FREM3: variants seen among roughly 807,000 people sequenced by gnomAD.
FREM3 encodes FRAS1-related extracellular matrix protein 3.
A neutral mutation model predicts 129.1 loss-of-function variants in FREM3; 105 were observed. The observed-to-expected ratio is 0.81, with a 90% CI of 0.69 to 0.96. The LOEUF is 0.96. Among genes scored for constraint, FREM3 ranks in the 40% least tolerant of loss-of-function variants. The pLI is 0.00. For missense variants in FREM3, 2,593 were observed against 2,666.3 expected, an observed-to-expected ratio of 0.97 and a Z score of 0.61; for synonymous variants, 1,014 against 1,044.9, an observed-to-expected ratio of 0.97 and a Z score of 0.57.
chr4:143,613,148 C>A (rs1219188807), intron 5 of FREM3, among the ~76,000 whole-genome samples: 1 of 152,156 alleles, frequency 6.6e-6, no homozygotes, highest in African/African-American at 2.4e-5. Flanking sequence ...TTTGAAAGAA[C>A]AAAAATTTTA....
intron 2 of FREM3, among the ~76,000 whole-genome samples, chr4:143,675,043 A>G (rs922207319): frequency 2.6e-5 from 4 of 152,248 alleles, no homozygotes; most frequent in African/African-American, 4.8e-5. Context: ...AGTGGACCTA[A>G]TAGACATCTA....
chr4:143,695,963 A>G lies in FREM3; in HGVS notation c.4713T>C (p.Leu1571=). 1 of 1,537,856 alleles carries G rather than the reference A, an allele frequency of 6.5e-7. No homozygotes were observed. Among genetic ancestry groups the G allele is most frequent in the East Asian group, 2.4e-5 (1 of 40,900 alleles). ...TVEDSDTPDD[L]ILFTITQVPM... is the part of the protein sequence containing the mutation. ...GGACCTGGGTGATGGTAAAGAGAAT[A>G]AGGTCATCTGGGGTATCACTGTCTT... is the stretch of plus-strand genomic sequence containing the variant. The change falls in exon 1 of 8, where the codon CTT becomes CTC. Residue 1571 remains leucine, a synonymous_variant. Transcript: ENST00000329798.
rs201972397 is a variant in FREM3 at position 143,660,164 on chromosome 4, A to G, written c.5276-32404T>C. ...AGACATGAAGTCCTTGCCCATGCCT[A>G]TGTCCTGAATGGTAATGCCTAGGTT... On this transcript the variant is annotated intron_variant, in intron 2 of 7. Coordinates refer to ENST00000329798, the MANE Select transcript of FREM3 (RefSeq NM_001168235.2). 4.1e-3 allele frequency among the ~76,000 whole-genome samples: 613 copies of G among 149,928 alleles called. 4 individuals carry two copies. Among genetic ancestry groups the G allele is most frequent in the African/African-American group, 0.015 (585 of 39,510 alleles).
intron 2 of FREM3, among the ~76,000 whole-genome samples, chr4:143,656,349 A>G (rs779493465): frequency 7.2e-5 from 11 of 152,202 alleles, no homozygotes; most frequent in African/African-American, 1.4e-4. Flanking sequence ...GCACACAGAA[A>G]CTTGTTTACA....
intron 6 of FREM3, among the ~76,000 whole-genome samples, chr4:143,601,016 G>A (rs185699178): frequency 5.1e-5 from 7 of 138,444 alleles, no homozygotes; most frequent in Admixed American, 2.2e-4. Context: ...ATTTCCTTTC[G>A]TTAACTTTAA....
In FREM3 at chr4:143,700,244, G is replaced by A. The variant is rs1347006558; in HGVS notation, c.432C>T (p.Arg144=). ...PGRARVLLQL[R]YDAPTHTLVL... is the part of the protein sequence containing the mutation. ...CCAGAGTGTGAGTCGGGGCGTCGTA[G>A]CGCAGCTGCAGCAGCACCCGGGCGC... The change falls in exon 1 of 8, where the codon CGC becomes CGT. Residue 144 remains arginine, a synonymous_variant. Transcript: ENST00000329798. 6.5e-7 allele frequency: 1 copy of A among 1,536,724 alleles called. No individual in the cohort carries two copies. Among genetic ancestry groups the A allele is most frequent in the Non-Finnish European group, 8.7e-7 (1 of 1,146,872 alleles).
chr4:143,577,928 C>G, intron 7 of FREM3, 76 bp from the exon 8 acceptor site: 2 of 1,418,652 alleles, frequency 1.4e-6, no homozygotes, highest in South Asian at 2.8e-5. Context: ...AATGAGAGCT[C>G]TCACCAACTC....
rs1312417356 is a variant in FREM3, at chr4:143,698,341, G to A, written c.2335C>T (p.Gln779Ter). The stretch of plus-strand genomic sequence containing the variant: ...TAGGCAACTTTATGCTGATTTACCT[G>A]GGCTTGGGTAAAGTGCATGATGAGT... ...DTLIMHFTQA[Q>*]VNQHKVAYQP... is the part of the protein sequence containing the mutation. The change falls in exon 1 of 8, where the codon CAG (glutamine) becomes TAG (stop). Residue 779 changes from glutamine to a stop codon, truncating the protein, a stop_gained. Coordinates refer to ENST00000329798, the MANE Select transcript of FREM3 (RefSeq NM_001168235.2). LOFTEE classifies it high-confidence loss of function. 1 of 1,537,872 alleles carries A rather than the reference G, an allele frequency of 6.5e-7. No individual in the cohort carries two copies. The highest frequency in any genetic ancestry group is 8.7e-7 in the Non-Finnish European group (1 of 1,147,066).
At chr4:143,580,123 T>G (rs1738105792) in intron 7 of FREM3, among the ~76,000 whole-genome samples, 1 of 150,552 alleles carries the variant, frequency 6.6e-6, no homozygotes, top group Admixed American at 6.6e-5. Context: ...GGGAGGAGAG[T>G]GCCAAGATGG....
chr4:143,673,860 C>T (rs766647943), intron 2 of FREM3, among the ~76,000 whole-genome samples: 6 of 152,222 alleles, frequency 3.9e-5, no homozygotes, highest in Admixed American at 2.0e-4. Context: ...TAGCAATGAG[C>T]GAGGCTCCAT....
chr4:143,669,980 A>AT (rs1739938171), intron 2 of FREM3, among the ~76,000 whole-genome samples: 1 of 152,106 alleles, frequency 6.6e-6, no homozygotes, highest in South Asian at 2.1e-4. Flanking sequence ...GAACTATGTA[A>AT]TTTTTAAACT....
At chr4:143,679,625 C>G (rs1244018405) in intron 2 of FREM3, among the ~76,000 whole-genome samples, 1 of 152,138 alleles carries the variant, frequency 6.6e-6, no homozygotes, top group East Asian at 1.9e-4. Context: ...ACATCCAGCC[C>G]TCTGCAGCAA....
intron 2 of FREM3, among the ~76,000 whole-genome samples, chr4:143,632,225 T>C (rs767550756): frequency 1.5e-4 from 23 of 152,260 alleles, no homozygotes; most frequent in Middle Eastern, 3.4e-3. Context: ...CTTGTTCTTG[T>C]GTAGCTTACT....
At chr4:143,692,750 T>C (rs1237321680) in intron 2 of FREM3, among the ~76,000 whole-genome samples, 1 of 152,176 alleles carries the variant, frequency 6.6e-6, no homozygotes, top group South Asian at 2.1e-4. Flanking sequence ...AATCTGAAGA[T>C]GTATTTTCTA....
chr4:143,625,323 A>G (rs992822191), intron 3 of FREM3, among the ~76,000 whole-genome samples: 5 of 152,194 alleles, frequency 3.3e-5, no homozygotes, highest in African/African-American at 1.2e-4. Context: ...GAAATCAAAT[A>G]TGGTAACCTG....
At position 143,585,903 on chromosome 4, in the gene FREM3, A is replaced by C; in HGVS notation, c.6119T>G (p.Leu2040Arg). The change falls in exon 7 of 8, where the codon CTT becomes CGT. Residue 2040 changes from leucine (L) to arginine (R), a missense_variant. Coordinates refer to ENST00000329798, the MANE Select transcript of FREM3 (RefSeq NM_001168235.2). The surrounding 1 kb of genome is among the most constrained non-coding windows in gnomAD (Gnocchi z 4.2). The part of the protein sequence containing the change: ...EVCVWRRGTD[L>R]SQPSSIAVRS... The stretch of plus-strand genomic sequence containing the variant: ...CACGGCGATGGATGATGGTTGGGAA[A>C]GATCAGTGCCTCTTCTCCAAACACA... The C allele has an allele frequency of 6.5e-7, 1 of 1,537,384 alleles. No homozygotes were observed. The highest frequency in any genetic ancestry group is 8.7e-7 in the Non-Finnish European group (1 of 1,146,938).
chr4:143,615,916 T>C (rs939956966), intron 5 of FREM3, among the ~76,000 whole-genome samples: 1 of 152,150 alleles, frequency 6.6e-6, no homozygotes, highest in African/African-American at 2.4e-5. Context: ...CTCACAGAGC[T>C]GACTTGGAAG....
chr4:143,700,040 T>C lies in FREM3; in HGVS notation c.636A>G (p.Pro212=), dbSNP rs1331218183. 2.0e-6 allele frequency: 3 copies of C among 1,515,954 alleles called. No individual in the cohort carries two copies. Among genetic ancestry groups the C allele is most frequent in the Non-Finnish European group, 1.8e-6 (2 of 1,134,208 alleles). The allele number at this position is 1,515,954 out of a possible 1,614,324, so 93.9% of individuals were successfully genotyped here. A position where few individuals can be genotyped will look rare whatever the true frequency, so the allele number is the denominator to read the frequency against. ...ATATRRCRLT[P]LPHEDGPLPK... ...GCAGGGGGCCGTCCTCGTGAGGAAG[T>C]GGGGTAAGCCGGCACCTGCGGGTGG... The change falls in exon 1 of 8, where the codon CCA becomes CCG. Residue 212 remains proline (P), a synonymous_variant. Coordinates refer to ENST00000329798, the MANE Select transcript of FREM3 (RefSeq NM_001168235.2).
rs1005723256 is a variant in FREM3 at position 143,700,372 on chromosome 4, C to A, written c.304G>T (p.Ala102Ser). The change falls in exon 1 of 8, where the codon GCC (alanine) becomes TCC (serine). Residue 102 changes from alanine to serine, a missense_variant. This residue lies in a region of FREM3 where 2,276 missense variants were observed against 2,267.2 expected (regional missense o/e 1.00). Coordinates refer to ENST00000329798, the MANE Select transcript of FREM3 (RefSeq NM_001168235.2). Reference sequence around the variant, plus strand: ...AGCGCGCCCTTGAGCCGCGGCAGGGCGTCCAGTACCGTGACTTCGCACCGG... The same window carrying A: ...AGCGCGCCCTTGAGCCGCGGCAGGGAGTCCAGTACCGTGACTTCGCACCGG... ...GDRCEVTVLD[A>S]LPRLKGALSP... 1.3e-6 allele frequency: 2 copies of A among 1,534,676 alleles called. No individual in the cohort carries two copies. Among genetic ancestry groups the A allele is most frequent in the Non-Finnish European group, 1.7e-6 (2 of 1,145,878 alleles).
Sources: gnomAD v4.1 joint callset for allele counts (sites outside exome capture counted in the v4.1 genomes callset) on GRCh38, gnomAD v4.1.1 for gene constraint, gnomAD v4.1.1 regional missense constraint, Gnocchi (gnomAD v3.1) non-coding constraint, MANE v1.5 for transcripts, NCBI Gene and HGNC (gene_info 2026-07-23, HGNC 2026-07-21) for gene names.